Variants in TBX4 observed in about 807,000 individuals in gnomAD.
TBX4 encodes T-box transcription factor TBX4.
Under a neutral mutation model 54.6 loss-of-function variants are expected in TBX4, and 13 were observed. The ratio of observed to expected loss-of-function variants is 0.24; its 90% CI spans 0.15 to 0.38. TBX4 has a LOEUF of 0.38. Among genes scored for constraint, TBX4 ranks in the 10% least tolerant of loss-of-function variants. The probability of loss-of-function intolerance (pLI) is 1.00; values close to 1 mark genes in which losing one functional copy is unlikely to be tolerated. For missense variants in TBX4, 631 were observed against 728.5 expected, an observed-to-expected ratio of 0.87 and a Z score of 1.54; for synonymous variants, 314 against 306.7, an observed-to-expected ratio of 1.02 and a Z score of -0.25.
In TBX4 at chr17:61,465,792, C is replaced by G. The variant is rs1253389460; in HGVS notation, c.282-27C>G. On this transcript the variant is annotated intron_variant, in intron 3 of 8. Transcript: ENST00000644296. The surrounding 1 kb of genome is among the most constrained non-coding windows in gnomAD (Gnocchi z 4.9). ...TCTCTCCTGGTGCTCTGTCCACACG[C>G]TCCGCCTCACCCCTCGGCTCCCCCA... The G allele has an allele frequency of 8.1e-6, 13 of 1,613,546 alleles. No individual in the cohort carries two copies. The East Asian group carries it at 1.1e-4, about 14-fold the overall frequency.
chr17:61,467,221 A>G (rs2143824751), intron 4 of TBX4, among the ~76,000 whole-genome samples: 1 of 152,310 alleles, frequency 6.6e-6, no homozygotes, highest in Non-Finnish European at 1.5e-5. Context: ...TCCTCACAAT[A>G]TCTTTGTGAT....
At chr17:61,473,892 G>A (rs1322020242) in intron 5 of TBX4, among the ~76,000 whole-genome samples, 1 of 152,224 alleles carries the variant, frequency 6.6e-6, no homozygotes, top group Admixed American at 6.5e-5. Flanking sequence ...CAGAAGGCAG[G>A]AAGGTTTGGA....
In TBX4 at chr17:61,482,906, C is replaced by G; in HGVS notation, c.1031C>G (p.Thr344Ser). The G allele has an allele frequency of 6.2e-7, 1 of 1,613,646 alleles. No individual in the cohort carries two copies. Among genetic ancestry groups the G allele is most frequent in the Non-Finnish European group, 8.5e-7 (1 of 1,179,864 alleles). ...TTACTTTGTCTTTCAGCAGACGGTA[C>G]CCGCCACCTGGACTTACCTTGCAAG... Reference protein sequence around the residue: ...YHCLKRRADGTRHLDLPCKRS... With the variant: ...YHCLKRRADGSRHLDLPCKRS... Residue 344 changes from threonine to serine, a missense_variant, in exon 9 of 9, where the codon ACC becomes AGC. Physicochemically the swap from Thr to Ser is moderately conservative, Grantham distance 58. This residue lies in a region of TBX4 where 354 missense variants were observed against 368.9 expected (regional missense o/e 0.96). Coordinates refer to ENST00000644296, the MANE Select transcript of TBX4 (RefSeq NM_001321120.2).
At position 61,484,520 on chromosome 17, in the gene TBX4, C is replaced by T. The variant is rs370432592; in HGVS notation, c.*1004C>T. 21 of 152,082 alleles carry T rather than the reference C, an allele frequency of 1.4e-4. No individual in the cohort carries two copies. The East Asian group carries it at 2.7e-3, about 20-fold the overall frequency. The allele number at this position is 152,082 out of a possible 1,614,324, so 9.4% of individuals were successfully genotyped here. A position where few individuals can be genotyped will look rare whatever the true frequency, so the allele number is the denominator to read the frequency against. ...TCTACGCTTCTGGAGCGAGAAAGGC[C>T]AACAGAAATAAAGATAGTTGAAAAA... On this transcript the variant is annotated 3_prime_UTR_variant, in exon 9 of 9. Transcript: ENST00000644296. The surrounding 1 kb of genome is among the most constrained non-coding windows in gnomAD (Gnocchi z 4.1).
Position 61,473,910 on chromosome 17 carries a change from C to T in TBX4, c.550-4717C>T, listed in dbSNP as rs541684616. Among the ~76,000 whole-genome samples the T allele has an allele frequency of 3.9e-5, 6 of 152,356 alleles. No individual in the cohort carries two copies. The East Asian group carries it at 5.8e-4, about 15-fold the overall frequency. ...AAGGCAGGAAGGTTTGGAGGCCCCA[C>T]GGTACCACCCCAGTGTTGCTCGCAT... is the stretch of plus-strand genomic sequence containing the variant. On this transcript the variant is annotated intron_variant, in intron 5 of 8. Coordinates refer to ENST00000644296, the MANE Select transcript of TBX4 (RefSeq NM_001321120.2).
In TBX4 at chr17:61,462,355, G is replaced by A. The variant is rs1324666877; in HGVS notation, c.282-3464G>A. Among the ~76,000 whole-genome samples the A allele has an allele frequency of 3.9e-5, 6 of 152,166 alleles. No homozygotes were observed. Among genetic ancestry groups the A allele is most frequent in the African/African-American group, 1.4e-4 (6 of 41,460 alleles). Reference sequence around the variant, plus strand: ...TTTCCGCGTGTGCCGTGGGGAGGGCGGGGGAGCCCCCATCTGTCTGGGGGC... The same window carrying A: ...TTTCCGCGTGTGCCGTGGGGAGGGCAGGGGAGCCCCCATCTGTCTGGGGGC... On this transcript the variant is annotated intron_variant, in intron 3 of 8. Transcript: ENST00000644296. The surrounding 1 kb of genome is among the most constrained non-coding windows in gnomAD (Gnocchi z 4.5).
chr17:61,477,241 A>G (rs763704737), intron 5 of TBX4, among the ~76,000 whole-genome samples: 1 of 152,238 alleles, frequency 6.6e-6, no homozygotes, highest in Non-Finnish European at 1.5e-5. Flanking sequence ...TCCTGCCTTC[A>G]ATGGGGAGGG....
At chr17:61,468,891 C>A (rs1030297802) in intron 5 of TBX4, among the ~76,000 whole-genome samples, 1 of 152,122 alleles carries the variant, frequency 6.6e-6, no homozygotes, top group African/African-American at 2.4e-5. Context: ...CTGGTCAAGA[C>A]TTTGTTCCCA....
chr17:61,472,913 G>T lies in TBX4; in HGVS notation c.549+5256G>T, dbSNP rs374130688. Among the ~76,000 whole-genome samples the T allele has an allele frequency of 6.6e-6, 1 of 151,800 alleles. No individual in the cohort carries two copies. The highest frequency in any genetic ancestry group is 6.6e-5 in the Admixed American group (1 of 15,236). On this transcript the variant is annotated intron_variant, in intron 5 of 8. Transcript: ENST00000644296. The surrounding 1 kb of genome is among the most constrained non-coding windows in gnomAD (Gnocchi z 4.5). Reference sequence around the variant, plus strand: ...TAAATCCCTATATGAATGTGTGCCTGTTCACACGCCAGTCTTTTAACTGTT... The same window carrying T: ...TAAATCCCTATATGAATGTGTGCCTTTTCACACGCCAGTCTTTTAACTGTT...
chr17:61,478,452 T>C lies in TBX4; in HGVS notation c.550-175T>C. The C allele has an allele frequency of 6.3e-6, 5 of 792,516 alleles. No individual in the cohort carries two copies. The highest frequency in any genetic ancestry group is 6.1e-6 in the Non-Finnish European group (3 of 488,442). The allele number at this position is 792,516 out of a possible 1,614,324, so 49.1% of individuals were successfully genotyped here. On this transcript the variant is annotated intron_variant, in intron 5 of 8. Transcript: ENST00000644296. This position sits in a 1 kb window ranked among gnomAD's most constrained non-coding sequence, Gnocchi z 7.4. ...TAAGTAGGGCTGGGGTGGGGAGAGTTTGGGGCCCAGGGGCCTGGTTCTTCA... is the reference window on the plus strand; with the variant it reads ...TAAGTAGGGCTGGGGTGGGGAGAGTCTGGGGCCCAGGGGCCTGGTTCTTCA...
At chr17:61,458,558 G>T (rs1200542676) in intron 3 of TBX4, among the ~76,000 whole-genome samples, 1 of 152,076 alleles carries the variant, frequency 6.6e-6, no homozygotes, top group African/African-American at 2.4e-5. Context: ...GATGATGAAG[G>T]CTCAAGTGCC....
At position 61,474,434 on chromosome 17, in the gene TBX4, T is replaced by C. The variant is rs2060603685; in HGVS notation, c.550-4193T>C. On this transcript the variant is annotated intron_variant, in intron 5 of 8. Coordinates refer to ENST00000644296, the MANE Select transcript of TBX4 (RefSeq NM_001321120.2). This position sits in a 1 kb window ranked among gnomAD's most constrained non-coding sequence, Gnocchi z 4.6. The stretch of plus-strand genomic sequence containing the variant: ...GCGAGTCACGTCTCCACTACCAGCA[T>C]TCTGTTCCTCATCTGTAAAATTAGA... Among the ~76,000 whole-genome samples, 1 of 152,192 alleles carries C rather than the reference T, an allele frequency of 6.6e-6. No homozygotes were observed. The highest frequency in any genetic ancestry group is 2.4e-5 in the African/African-American group (1 of 41,450).
chr17:61,483,388 A>T lies in TBX4; in HGVS notation c.1513A>T (p.Lys505Ter). Reference protein sequence around the residue: ...ERGLPQGCERKPPSPHLNAAN... With the variant: ...ERGLPQGCER ...CGGCCTCCCCCAAGGGTGTGAGAGG[A>T]AGCCACCCTCGCCACATCTAAATGC... is the stretch of plus-strand genomic sequence containing the variant. The change falls in exon 9 of 9, where the codon AAG becomes TAG. Residue 505 changes from lysine (K) to a stop codon, truncating the protein, a stop_gained. Coordinates refer to ENST00000644296, the MANE Select transcript of TBX4 (RefSeq NM_001321120.2). LOFTEE classifies it high-confidence loss of function. The surrounding 1 kb of genome is among the most constrained non-coding windows in gnomAD (Gnocchi z 6.6). The T allele has an allele frequency of 6.2e-7, 1 of 1,611,250 alleles. No homozygotes were observed. The highest frequency in any genetic ancestry group is 1.7e-4 in the Middle Eastern group (1 of 6,050).
rs200657770 is a variant in TBX4 at position 61,467,680 on chromosome 17, C to T, written c.549+23C>T. 254 of 1,614,006 alleles carry T rather than the reference C, an allele frequency of 1.6e-4. No individual in the cohort carries two copies. The African/African-American group carries it at 3.3e-3, about 21-fold the overall frequency. On this transcript the variant is annotated intron_variant, in intron 5 of 8. Coordinates refer to ENST00000644296, the MANE Select transcript of TBX4 (RefSeq NM_001321120.2). The stretch of plus-strand genomic sequence containing the variant: ...CATGTAAGCATGGGGGCTGCCTGGC[C>T]CCAGGAGGCAAGTCTGGGGCAGTTT...
chr17:61,467,713 G>T, intron 5 of TBX4, 56 bp downstream of exon 5: 1 of 1,609,618 alleles, frequency 6.2e-7, no homozygotes, highest in Non-Finnish European at 8.5e-7. Flanking sequence ...TTTTAGGGGT[G>T]GGACAGGCCA....
rs765868170 is a variant in TBX4 at position 61,482,981 on chromosome 17, G to T, written c.1106G>T (p.Arg369Leu). The T allele has an allele frequency of 3.1e-6, 5 of 1,613,762 alleles. No individual in the cohort carries two copies. In the Admixed American group the frequency reaches 6.7e-5, roughly 22 times the overall value. Residue 369 changes from arginine (R) to leucine (L), a missense_variant, in exon 9 of 9, where the codon CGT (arginine) becomes CTT (leucine). Physicochemically the swap from Arg to Leu is moderately radical, Grantham distance 102. Transcript: ENST00000644296. ...PSSVGEDHYF[R>L]SPPPYDQQML... ...TCGGTGGGGGAGGATCACTATTTCCGTTCCCCCCCTCCCTACGACCAGCAA... is the reference window on the plus strand; with the variant it reads ...TCGGTGGGGGAGGATCACTATTTCCTTTCCCCCCCTCCCTACGACCAGCAA...
At position 61,480,374 on chromosome 17, in the gene TBX4, C is replaced by T. The variant is rs535092373; in HGVS notation, c.1021+55C>T. On this transcript the variant is annotated intron_variant, in intron 8 of 8. Transcript: ENST00000644296. This position sits in a 1 kb window ranked among gnomAD's most constrained non-coding sequence, Gnocchi z 6.2. ...AGGGTAAGAGGAGCGGTGAGGTTCTCCCCGAAACCACTCTGCAGCGCCCCC... is the reference window on the plus strand; with the variant it reads ...AGGGTAAGAGGAGCGGTGAGGTTCTTCCCGAAACCACTCTGCAGCGCCCCC... 9 of 1,464,212 alleles carry T rather than the reference C, an allele frequency of 6.1e-6. No homozygotes were observed. Among genetic ancestry groups the T allele is most frequent in the Middle Eastern group, 2.0e-4 (1 of 5,096 alleles). The allele number at this position is 1,464,212 out of a possible 1,614,324, so 90.7% of individuals were successfully genotyped here.
rs1320034323 is a variant in TBX4 at position 61,457,361 on chromosome 17, T to C, written c.187-176T>C. ...TAAAGGAGGAAGTTTTAGCCACCGA[T>C]TAATTCTTTTATATTCACGAATAGT... is the stretch of plus-strand genomic sequence containing the variant. On this transcript the variant is annotated intron_variant, in intron 2 of 8. Transcript: ENST00000644296. This position sits in a 1 kb window ranked among gnomAD's most constrained non-coding sequence, Gnocchi z 8.2. Among the ~76,000 whole-genome samples the C allele has an allele frequency of 2.0e-5, 3 of 152,120 alleles. No homozygotes were observed. Among genetic ancestry groups the C allele is most frequent in the East Asian group, 3.9e-4 (2 of 5,166 alleles).
chr17:61,479,734 C>T lies in TBX4; in HGVS notation c.703-147C>T, dbSNP rs1250431054. 2 of 839,010 alleles carry T rather than the reference C, an allele frequency of 2.4e-6. No individual in the cohort carries two copies. Among genetic ancestry groups the T allele is most frequent in the African/African-American group, 3.3e-5 (2 of 60,200 alleles). 52.0% of individuals were successfully genotyped at this position (839,010 alleles called of 1,614,324 possible). Reference sequence around the variant, plus strand: ...GAGGCCAGTCCAGTCCCACCCTCCTCCCCAAGGAGGGTAGTGAGAAGCGGT... The same window carrying T: ...GAGGCCAGTCCAGTCCCACCCTCCTTCCCAAGGAGGGTAGTGAGAAGCGGT... On this transcript the variant is annotated intron_variant, in intron 6 of 8. Transcript: ENST00000644296. This position sits in a 1 kb window ranked among gnomAD's most constrained non-coding sequence, Gnocchi z 6.1.
Sources: gnomAD v4.1 joint callset for allele counts (sites outside exome capture counted in the v4.1 genomes callset) on GRCh38, gnomAD v4.1.1 for gene constraint, gnomAD v4.1.1 regional missense constraint, Gnocchi (gnomAD v3.1) non-coding constraint, MANE v1.5 for transcripts, NCBI Gene and HGNC (gene_info 2026-07-23, HGNC 2026-07-21) for gene names.